Variants in NSMAF observed in about 807,000 individuals in gnomAD.
NSMAF encodes protein FAN.
A neutral mutation model predicts 134.9 loss-of-function variants in NSMAF; 90 were observed. The observed-to-expected ratio is 0.67, with a 90% CI of 0.56 to 0.79. The LOEUF is 0.79. Ranked by LOEUF, NSMAF falls within the 30% of genes least tolerant of loss-of-function variation. NSMAF has a pLI of 0.00. For synonymous variants in NSMAF, 358 were observed against 389.6 expected, an observed-to-expected ratio of 0.92 and a Z score of 0.96; for missense variants, 1,010 against 1,119.0, an observed-to-expected ratio of 0.90 and a Z score of 1.39.
chr8:58,637,608 T>C (rs77620684), intron 2 of NSMAF, among the ~76,000 whole-genome samples: 4,114 of 152,168 alleles, frequency 0.027, 204 homozygotes, highest in African/African-American at 0.093. Context: ...AAGGATTCTA[T>C]CAAAAAAACT....
At position 58,585,668 on chromosome 8, in the gene NSMAF, T is replaced by C. The variant is rs1459739366; in HGVS notation, c.2643A>G (p.Arg881=). ...GCTGCTTACCTGTGTGGCCCTGTATTCTCTCACTGATTTTTGCTCCAAGGA... is the reference window on the plus strand; with the variant it reads ...GCTGCTTACCTGTGTGGCCCTGTATCCTCTCACTGATTTTTGCTCCAAGGA... ...WDLLGAKISE[R]IQGHTGAVTC... is the part of the protein sequence containing the mutation. The change falls in exon 30 of 31, where the codon AGA becomes AGG. Residue 881 remains arginine, a synonymous_variant. Coordinates refer to ENST00000038176, the MANE Select transcript of NSMAF (RefSeq NM_003580.4). The C allele has an allele frequency of 1.9e-6, 3 of 1,613,462 alleles. No homozygotes were observed. Among genetic ancestry groups the C allele is most frequent in the Non-Finnish European group, 2.5e-6 (3 of 1,179,396 alleles).
At chr8:58,639,621 T>C (rs1281707196) in intron 2 of NSMAF, among the ~76,000 whole-genome samples, 1 of 152,162 alleles carries the variant, frequency 6.6e-6, no homozygotes, top group African/African-American at 2.4e-5. Flanking sequence ...CCAAAGCAAA[T>C]GGAGCCAGTA....
intron 13 of NSMAF, 67 bp downstream of exon 13, chr8:58,603,143 C>T: frequency 7.1e-7 from 1 of 1,406,426 alleles, no homozygotes; most frequent in Non-Finnish European, 1.0e-6. Flanking sequence ...TTTATTCTGT[C>T]CTTTAAAAAC....
intron 9 of NSMAF, among the ~76,000 whole-genome samples, chr8:58,617,511 G>A (rs1478716517): frequency 6.6e-6 from 1 of 152,114 alleles, no homozygotes; most frequent in Non-Finnish European, 1.5e-5. Flanking sequence ...GATATGAACA[G>A]ACACTTATCA....
At chr8:58,651,140 T>C (rs1046126735) in intron 1 of NSMAF, among the ~76,000 whole-genome samples, 2 of 152,202 alleles carry the variant, frequency 1.3e-5, no homozygotes, top group Non-Finnish European at 2.9e-5. Context: ...TAGATTCCAA[T>C]CTTGGGTCTC....
At chr8:58,625,576 T>C (rs561002189) in intron 6 of NSMAF, among the ~76,000 whole-genome samples, 1 of 152,318 alleles carries the variant, frequency 6.6e-6, no homozygotes, top group East Asian at 1.9e-4. Flanking sequence ...ATTTAAAGCC[T>C]ATCTTGTCTG....
chr8:58,597,394 A>C lies in NSMAF; in HGVS notation c.1785T>G (p.Asp595Glu). The C allele has an allele frequency of 1.2e-6, 2 of 1,613,208 alleles. No individual in the cohort carries two copies. The highest frequency in any genetic ancestry group is 1.7e-6 in the Non-Finnish European group (2 of 1,179,688). ...TCTCTTTACAAAATTTACCTGGGGA[A>C]TCTGCCATAGAAGCATTATAACTGG... ...QTSSYNASMADSPGEESFEDL... is the reference protein window; with the variant it reads ...QTSSYNASMAESPGEESFEDL... Residue 595 changes from aspartate to glutamate, a missense_variant, in exon 21 of 31, where the codon GAT becomes GAG. By Grantham distance (45) the Asp-to-Glu change is conservative (BLOSUM62 2). Coordinates refer to ENST00000038176, the MANE Select transcript of NSMAF (RefSeq NM_003580.4).
intron 1 of NSMAF, chr8:58,659,245 C>T (rs778112406): frequency 4.7e-6 from 7 of 1,503,930 alleles, no homozygotes; most frequent in Non-Finnish European, 5.3e-6. Context: ...GCCCGGACCC[C>T]GCGCGGCCTT....
intron 21 of NSMAF, 67 bp downstream of exon 21, chr8:58,597,320 T>C (rs913516948): frequency 7.0e-7 from 1 of 1,419,894 alleles, no homozygotes. Flanking sequence ...TATCTCCTCT[T>C]CAGAAACATT....
At chr8:58,631,626 T>C (rs1807060313) in intron 5 of NSMAF, 80 bp from the exon 6 acceptor site, 1 of 770,340 alleles carries the variant, frequency 1.3e-6, no homozygotes, top group Admixed American at 3.1e-5. Flanking sequence ...CAGAACATTA[T>C]CAATCAAAAG....
At chr8:58,589,710 A>C in intron 25 of NSMAF, 135 bp from the exon 26 acceptor site, 1 of 837,180 alleles carries the variant, frequency 1.2e-6, no homozygotes, top group Non-Finnish European at 1.7e-6. Context: ...GCTTGTTCTC[A>C]AATTACTAAA....
intron 23 of NSMAF, among the ~76,000 whole-genome samples, chr8:58,591,729 C>T (rs745923977): frequency 2.3e-4 from 35 of 152,052 alleles, no homozygotes; most frequent in Non-Finnish European, 3.4e-4. Context: ...TCAAGTGATC[C>T]GCCCCCTTCG....
In NSMAF at chr8:58,601,299, A is replaced by G. The variant is rs1293029971; in HGVS notation, c.1266T>C (p.Asp422=). The G allele has an allele frequency of 6.2e-7, 1 of 1,613,842 alleles. No homozygotes were observed. The highest frequency in any genetic ancestry group is 1.7e-5 in the Admixed American group (1 of 60,022). The change falls in exon 16 of 31, where the codon GAT becomes GAC. Residue 422 remains aspartate (D), a synonymous_variant. Transcript: ENST00000038176. Reference sequence around the variant, plus strand: ...TTGTATCAAACCTGTTGAACATTCTATCTGCATTATCAAATCTTCCATTCT... The same window carrying G: ...TTGTATCAAACCTGTTGAACATTCTGTCTGCATTATCAAATCTTCCATTCT... The part of the protein sequence containing the change: ...CLQNGRFDNA[D]RMFNSIAETW...
intron 9 of NSMAF, among the ~76,000 whole-genome samples, chr8:58,611,296 C>A (rs1477899636): frequency 6.6e-6 from 1 of 152,142 alleles, no homozygotes; most frequent in Non-Finnish European, 1.5e-5. Context: ...AATCCCAGCA[C>A]TTTGAGAGGC....
intron 6 of NSMAF, among the ~76,000 whole-genome samples, chr8:58,624,501 T>A (rs543963146): frequency 2.0e-5 from 3 of 152,322 alleles, no homozygotes; most frequent in Non-Finnish European, 4.4e-5. Flanking sequence ...CTCTTTTTTT[T>A]TTTCTTTGAC....
chr8:58,607,691 A>T (rs1806438442), intron 11 of NSMAF, 78 bp downstream of exon 11: 1 of 1,053,830 alleles, frequency 9.5e-7, no homozygotes, highest in African/African-American at 1.6e-5. Flanking sequence ...ACATCCCATA[A>T]GTGTTTACCG....
At chr8:58,606,712 C>A (rs867175053) in intron 11 of NSMAF, among the ~76,000 whole-genome samples, 2 of 152,156 alleles carry the variant, frequency 1.3e-5, no homozygotes, top group South Asian at 4.1e-4. Context: ...AAGGAACAGA[C>A]AAAGCCAGGA....
At chr8:58,630,286 T>C (rs1384414444) in intron 6 of NSMAF, among the ~76,000 whole-genome samples, 1 of 152,018 alleles carries the variant, frequency 6.6e-6, no homozygotes, top group Non-Finnish European at 1.5e-5. Context: ...CTTCCTATTC[T>C]GCCATCTTGC....
In NSMAF at chr8:58,607,755, T is replaced by A. The variant is rs1425215617; in HGVS notation, c.759+14A>T. ...GTGACAATCATGCCCCAGCACAGCC[T>A]CCCAAGGACTCACCAGAGGCATGAG... On this transcript the variant is annotated intron_variant, in intron 11 of 30. Transcript: ENST00000038176. The A allele has an allele frequency of 6.2e-7, 1 of 1,609,094 alleles. No homozygotes were observed. The highest frequency in any genetic ancestry group is 8.5e-7 in the Non-Finnish European group (1 of 1,175,474).
Sources: gnomAD v4.1 joint callset for allele counts (sites outside exome capture counted in the v4.1 genomes callset) on GRCh38, gnomAD v4.1.1 for gene constraint, MANE v1.5 for transcripts, NCBI Gene and HGNC (gene_info 2026-07-23, HGNC 2026-07-21) for gene names.